Variants in ITSN2 observed in about 807,000 individuals in gnomAD.
The protein encoded by ITSN2 is intersectin-2.
In ITSN2, 156 loss-of-function variants were observed where a neutral mutation model predicts 243.7. That is an observed-to-expected ratio of 0.64 (90% CI 0.56 to 0.73). The LOEUF (loss-of-function observed/expected upper bound fraction) is 0.73, where lower values mean the gene tolerates loss of function less well. ITSN2 is among the 30% of genes least tolerant of loss of function. The pLI is 0.00. For synonymous variants in ITSN2, 703 were observed against 699.9 expected (o/e 1.00, Z -0.07); for missense variants, 1,801 against 1,996.1 (o/e 0.90, Z 1.86).
intron 11 of ITSN2, among the ~76,000 whole-genome samples, 178 bp from the exon 12 acceptor site, chr2:24,300,349 T>C (rs1681561631): frequency 6.6e-6 from 1 of 152,252 alleles, no homozygotes; most frequent in African/African-American, 2.4e-5. Context: ...TTCAAGGATA[T>C]TCAATTTTAG....
chr2:24,309,480 G>GC (rs1682981892), intron 7 of ITSN2, among the ~76,000 whole-genome samples: 1 of 152,178 alleles, frequency 6.6e-6, no homozygotes, highest in Non-Finnish European at 1.5e-5. Flanking sequence ...GATTACAGGC[G>GC]TGAGCCACTG....
chr2:24,307,301 C>T lies in ITSN2; in HGVS notation c.793+1316G>A, dbSNP rs1256187016. On this transcript the variant is annotated intron_variant, in intron 8 of 39. Coordinates refer to ENST00000355123, the MANE Select transcript of ITSN2 (RefSeq NM_006277.3). ...CTGCTAATAAAACTATGACACAGTGCTAAGACATCACTAATTGTAGCACAC... is the reference window on the plus strand; with the variant it reads ...CTGCTAATAAAACTATGACACAGTGTTAAGACATCACTAATTGTAGCACAC... 4.0e-5 allele frequency among the ~76,000 whole-genome samples: 6 copies of T among 151,272 alleles called. No individual in the cohort carries two copies. The East Asian group carries it at 7.8e-4, about 20-fold the overall frequency.
At chr2:24,261,398 G>T in intron 21 of ITSN2, 148 bp from the exon 22 acceptor site, 1 of 894,800 alleles carries the variant, frequency 1.1e-6, no homozygotes, top group Non-Finnish European at 1.7e-6. Context: ...ACTGACCCAT[G>T]TTTTCACTTA....
In ITSN2 at chr2:24,210,832, G is replaced by C. The variant is rs574855488; in HGVS notation, c.4205C>G (p.Ser1402Trp). 5.1e-5 allele frequency: 82 copies of C among 1,614,068 alleles called. 3 individuals carry two copies. The South Asian group carries it at 7.9e-4, about 16-fold the overall frequency. ...VNEGVREKEN[S>W]DRLEWIQAHV... ...CGCCTGGATCCACTCCAGTCGGTCC[G>C]AGTTTTCCTTCTCCCGAACTCCCTC... Residue 1402 changes from serine (S) to tryptophan (W), a missense_variant, in exon 34 of 40, where the codon TCG (serine) becomes TGG (tryptophan). Ser to Trp is a radical substitution (Grantham distance 177). This residue lies in a region of ITSN2 where 928 missense variants were observed against 1,065.4 expected (regional missense o/e 0.87). Coordinates refer to ENST00000355123, the MANE Select transcript of ITSN2 (RefSeq NM_006277.3).
chr2:24,229,583 T>C (rs1408847124), intron 29 of ITSN2, among the ~76,000 whole-genome samples: 1 of 152,140 alleles, frequency 6.6e-6, no homozygotes, highest in East Asian at 1.9e-4. Context: ...AGTAAGACAC[T>C]GTCTCAACAA....
At chr2:24,267,305 A>G (rs185531692) in intron 20 of ITSN2, among the ~76,000 whole-genome samples, 7 of 152,024 alleles carry the variant, frequency 4.6e-5, no homozygotes, top group Admixed American at 4.6e-4. Context: ...TGATGGGTGC[A>G]GCAAACCACC....
rs1484251030 is a variant in ITSN2 at position 24,260,334 on chromosome 2, T to C, written c.2682+772A>G. Among the ~76,000 whole-genome samples the C allele has an allele frequency of 2.6e-5, 4 of 152,130 alleles. No homozygotes were observed. The East Asian group carries it at 7.7e-4, about 29-fold the overall frequency. On this transcript the variant is annotated intron_variant, in intron 22 of 39. Transcript: ENST00000355123. ...GAGTGAAGGTGAAATCTGGAGGACT[T>C]TGGACTTTATTCTGATGAAGTCTGC...
intron 29 of ITSN2, chr2:24,239,170 G>A (rs576502323): frequency 6.6e-6 from 1 of 152,468 alleles, no homozygotes; most frequent in South Asian, 2.1e-4. Context: ...TGCCACTTTA[G>A]GCAAAAGTCT....
At chr2:24,310,204 C>G in intron 7 of ITSN2, 80 bp downstream of exon 7, 1 of 954,082 alleles carries the variant, frequency 1.0e-6, no homozygotes, top group Non-Finnish European at 1.6e-6. Flanking sequence ...TAGGTAAGCT[C>G]AAAGCTTTAA....
At chr2:24,323,666 A>C (rs780832344) in intron 2 of ITSN2, among the ~76,000 whole-genome samples, 12 of 152,204 alleles carry the variant, frequency 7.9e-5, no homozygotes, top group Non-Finnish European at 1.6e-4. Context: ...TTAGAAACTC[A>C]TCGAACCGTA....
At position 24,275,799 on chromosome 2, in the gene ITSN2, A is replaced by G; in HGVS notation, c.1995T>C (p.Tyr665=). 6.2e-7 allele frequency: 1 copy of G among 1,612,842 alleles called. No homozygotes were observed. Among genetic ancestry groups the G allele is most frequent in the East Asian group, 2.2e-5 (1 of 44,766 alleles). ...NTQQLALEQL[Y]KIKRDKLKEI... is the part of the protein sequence containing the mutation. ...CCTTCAACTTGTCACGTTTGATCTT[A>G]TAAAGCTGTTCAAGGGCTAACTGCT... The change falls in exon 18 of 40, where the codon TAT becomes TAC. Residue 665 remains tyrosine (Y), a synonymous_variant. Transcript: ENST00000355123.
In ITSN2 at chr2:24,211,181, A is replaced by G. The variant is rs921926353; in HGVS notation, c.4090-234T>C. Among the ~76,000 whole-genome samples the G allele has an allele frequency of 6.6e-6, 1 of 152,206 alleles. No homozygotes were observed. Among genetic ancestry groups the G allele is most frequent in the African/African-American group, 2.4e-5 (1 of 41,458 alleles). On this transcript the variant is annotated intron_variant, in intron 33 of 39. Coordinates refer to ENST00000355123, the MANE Select transcript of ITSN2 (RefSeq NM_006277.3). The surrounding 1 kb of genome is among the most constrained non-coding windows in gnomAD (Gnocchi z 4.1). ...CAAGGTGACAGTGCTAAACGGATCA[A>G]GTGCTCTGAACTGTGTGGGTCTCTG... is the stretch of plus-strand genomic sequence containing the variant.
chr2:24,293,647 AG>A (rs755655152), intron 15 of ITSN2, 40 bp downstream of exon 15: 1 of 710,046 alleles, frequency 1.4e-6, no homozygotes, highest in Non-Finnish European at 2.4e-6. Context: ...ACAGTCATTC[AG>A]AAAAGGATAA....
chr2:24,209,017 G>T, intron 36 of ITSN2, 83 bp downstream of exon 36: 1 of 1,497,772 alleles, frequency 6.7e-7, no homozygotes, highest in South Asian at 1.1e-5. Context: ...GCTTAAGCAC[G>T]GCTGGAGATG....
chr2:24,246,863 A>C lies in ITSN2; in HGVS notation c.3319T>G (p.Phe1107Val). 6.2e-7 allele frequency: 1 copy of C among 1,613,196 alleles called. No homozygotes were observed. The highest frequency in any genetic ancestry group is 8.5e-7 in the Non-Finnish European group (1 of 1,179,482). Residue 1107 changes from phenylalanine to valine, a missense_variant, in exon 28 of 40, where the codon TTT (phenylalanine) becomes GTT (valine). Phe to Val is a conservative substitution (Grantham distance 50). Transcript: ENST00000355123. ...ARGKKRQKGWFPASHVKLLGP... is the reference protein window; with the variant it reads ...ARGKKRQKGWVPASHVKLLGP... Reference sequence around the variant, plus strand: ...AAAAGTTTAACATGACTGGCAGGAAACCATCCTTTCTGTCGCTTTTTTCCT... The same window carrying C: ...AAAAGTTTAACATGACTGGCAGGAACCCATCCTTTCTGTCGCTTTTTTCCT...
intron 1 of ITSN2, among the ~76,000 whole-genome samples, chr2:24,328,504 C>T (rs927297947): frequency 6.6e-6 from 1 of 151,720 alleles, no homozygotes; most frequent in Non-Finnish European, 1.5e-5. Context: ...ACTCTGTCAC[C>T]CAGGCTGGAG....
intron 15 of ITSN2, among the ~76,000 whole-genome samples, chr2:24,291,744 T>A (rs577001309): frequency 6.6e-6 from 1 of 152,126 alleles, no homozygotes; most frequent in East Asian, 1.9e-4. Context: ...TGCCTTGGCC[T>A]CCCAAAGTGC....
chr2:24,212,812 T>C lies in ITSN2; in HGVS notation c.3991-64A>G, dbSNP rs1227603468. 11 of 1,238,886 alleles carry C rather than the reference T, an allele frequency of 8.9e-6. No individual in the cohort carries two copies. The East Asian group carries it at 1.4e-4, about 16-fold the overall frequency. The allele number at this position is 1,238,886 out of a possible 1,614,324, so 76.7% of individuals were successfully genotyped here. A position where few individuals can be genotyped will look rare whatever the true frequency, so the allele number is the denominator to read the frequency against. On this transcript the variant is annotated intron_variant, in intron 32 of 39. Transcript: ENST00000355123. ...TCCGATCACAGGAAGCACTGGTCTT[T>C]GATCGCCTTTTAGATTTCACATTTC...
At chr2:24,230,759 ACTCC>A (rs1671508269) in intron 29 of ITSN2, among the ~76,000 whole-genome samples, 2 of 151,946 alleles carry the variant, frequency 1.3e-5, no homozygotes, top group Non-Finnish European at 2.9e-5. Context: ...CAAGAGTGAA[ACTCC>A]ATCTCAAAAA....
Sources: allele counts gnomAD v4.1 joint callset (sites outside exome capture counted in the v4.1 genomes callset), GRCh38; gene constraint gnomAD v4.1.1; regional missense constraint gnomAD v4.1.1; non-coding constraint Gnocchi (gnomAD v3.1); transcripts MANE v1.5; gene names NCBI Gene and HGNC (gene_info 2026-07-23, HGNC 2026-07-21).